Variants in ADAMTS15 observed in about 807,000 individuals in gnomAD.
The protein encoded by ADAMTS15 is ADAM metallopeptidase with thrombospondin type 1 motif 15.
In ADAMTS15, 35 loss-of-function variants were observed where a neutral mutation model predicts 79.1. The observed-to-expected ratio is 0.44, with a 90% CI of 0.34 to 0.59. The LOEUF (loss-of-function observed/expected upper bound fraction) is 0.59, where lower values mean the gene tolerates loss of function less well. Among genes scored for constraint, ADAMTS15 ranks in the 20% least tolerant of loss-of-function variants. The pLI is 0.02. For missense variants in ADAMTS15, 1,324 were observed against 1,318.7 expected (o/e 1.00, Z -0.06); for synonymous variants, 616 against 567.3 (o/e 1.09, Z -1.22).
Position 130,473,641 on chromosome 11 carries a change from G to A in ADAMTS15, c.2673G>A (p.Gly891=). 5.6e-6 allele frequency: 9 copies of A among 1,608,152 alleles called. No individual in the cohort carries two copies. The highest frequency in any genetic ancestry group is 7.6e-6 in the Non-Finnish European group (9 of 1,179,866). The part of the protein sequence containing the change: ...AHRPVETQAC[G]EPCPTWELSA... ...GGCCCGTGGAGACACAAGCCTGCGG[G>A]GAGCCCTGCCCCACCTGGGAGCTCA... Residue 891 remains glycine, a synonymous_variant, in exon 8 of 8, where the codon GGG becomes GGA. Coordinates refer to ENST00000299164, the MANE Select transcript of ADAMTS15 (RefSeq NM_139055.4).
intron 5 of ADAMTS15, among the ~76,000 whole-genome samples, chr11:130,470,182 G>GTGTATATATATATATATATATA (rs1938414045): frequency 2.7e-5 from 2 of 72,742 alleles, no homozygotes; most frequent in Non-Finnish European, 2.3e-5. Context: ...ATATATATAT[G>GTGTATATATATATATATATATA]TGTGTATATA....
chr11:130,473,174 C>G lies in ADAMTS15; in HGVS notation c.2206C>G (p.Leu736Val). 1.2e-6 allele frequency: 2 copies of G among 1,614,114 alleles called. No homozygotes were observed. The highest frequency in any genetic ancestry group is 8.5e-7 in the Non-Finnish European group (1 of 1,180,042). ...TCTGAAGAACAGCCAAGGCAAGTACCTGCTCAACGGGCATTTCGTGGTGTC... is the reference window on the plus strand; with the variant it reads ...TCTGAAGAACAGCCAAGGCAAGTACGTGCTCAACGGGCATTTCGTGGTGTC... ...LALKNSQGKY[L>V]LNGHFVVSAV... The change falls in exon 8 of 8, where the codon CTG becomes GTG. Residue 736 changes from leucine to valine, a missense_variant. Coordinates refer to ENST00000299164, the MANE Select transcript of ADAMTS15 (RefSeq NM_139055.4).
rs1938553229 is a variant in ADAMTS15 at position 130,475,141 on chromosome 11, C to A, written c.*1320C>A. The A allele has an allele frequency of 6.6e-6, 1 of 152,368 alleles. No homozygotes were observed. The highest frequency in any genetic ancestry group is 1.5e-5 in the Non-Finnish European group (1 of 68,168). 9.4% of individuals were successfully genotyped at this position (152,368 alleles called of 1,614,324 possible). A position where few individuals can be genotyped will look rare whatever the true frequency, so the allele number is the denominator to read the frequency against. ...GAAATGAGGGTGTGGTGCGTGGCTTCCTGCTCCCCACAGCCCAGCCCCCTG... is the reference window on the plus strand; with the variant it reads ...GAAATGAGGGTGTGGTGCGTGGCTTACTGCTCCCCACAGCCCAGCCCCCTG... On this transcript the variant is annotated 3_prime_UTR_variant, in exon 8 of 8. Coordinates refer to ENST00000299164, the MANE Select transcript of ADAMTS15 (RefSeq NM_139055.4).
intron 5 of ADAMTS15, among the ~76,000 whole-genome samples, chr11:130,470,182 G>A (rs2875240): frequency 0.064 from 4,612 of 71,658 alleles, 380 homozygotes; most frequent in African/African-American, 0.13. Flanking sequence ...ATATATATAT[G>A]TGTGTATATA....
rs1378506039 is a variant in ADAMTS15, at chr11:130,472,770, T to C, written c.2079-277T>C. On this transcript the variant is annotated intron_variant, in intron 7 of 7. Coordinates refer to ENST00000299164, the MANE Select transcript of ADAMTS15 (RefSeq NM_139055.4). The surrounding 1 kb of genome is among the most constrained non-coding windows in gnomAD (Gnocchi z 4.7). ...GCCAGGCACCACGCTACATGCTTTC[T>C]GTGCTTTGGTGGACTCAGTCCTCCC... is the stretch of plus-strand genomic sequence containing the variant. 6.6e-6 allele frequency among the ~76,000 whole-genome samples: 1 copy of C among 151,666 alleles called. No individual in the cohort carries two copies. The highest frequency in any genetic ancestry group is 6.6e-5 in the Admixed American group (1 of 15,246).
intron 5 of ADAMTS15, 30 bp from the exon 6 acceptor site, chr11:130,470,890 A>C (rs1217719585): frequency 6.2e-7 from 1 of 1,601,306 alleles, no homozygotes; most frequent in South Asian, 1.1e-5. Flanking sequence ...CCTTCCCCTC[A>C]ACTTCTTTCT....
chr11:130,470,158 A>ATATATATACATATATATATATATGTG (rs1938403785), intron 5 of ADAMTS15, among the ~76,000 whole-genome samples: 1 of 50,038 alleles, frequency 2.0e-5, no homozygotes, highest in Non-Finnish European at 3.8e-5. Context: ...ATATGTGTAT[A>ATATATATACATATATATATATATGTG]TATATATATA....
In ADAMTS15 at chr11:130,465,864, CT is replaced by C. The variant is rs1336032041; in HGVS notation, c.1542+3088del. ...GTACTCTCATTTTCTTTTTTCTTTT[CT>C]TTTCTTTCTTTTTTTTTTTTTTTAA... On this transcript the variant is annotated intron_variant, in intron 4 of 7. Coordinates refer to ENST00000299164, the MANE Select transcript of ADAMTS15 (RefSeq NM_139055.4). Among the ~76,000 whole-genome samples, 16 of 135,842 alleles carry C rather than the reference CT, an allele frequency of 1.2e-4. 2 individuals carry two copies. Among genetic ancestry groups the C allele is most frequent in the African/African-American group, 4.2e-4 (15 of 35,404 alleles). 89.1% of individuals were successfully genotyped at this position (135,842 alleles called of 152,430 possible).
At chr11:130,470,209 T>C (rs868804770) in intron 5 of ADAMTS15, among the ~76,000 whole-genome samples, 672 of 60,008 alleles carry the variant, frequency 0.011, 81 homozygotes, top group African/African-American at 0.06. Flanking sequence ...TATATATATA[T>C]GTATATATAT....
In ADAMTS15 at chr11:130,473,943, G is replaced by A. The variant is rs552494370; in HGVS notation, c.*122G>A. 1 of 1,345,906 alleles carries A rather than the reference G, an allele frequency of 7.4e-7. No individual in the cohort carries two copies. The highest frequency in any genetic ancestry group is 1.5e-5 in the South Asian group (1 of 67,352). The allele number at this position is 1,345,906 out of a possible 1,614,324, so 83.4% of individuals were successfully genotyped here. A position where few individuals can be genotyped will look rare whatever the true frequency, so the allele number is the denominator to read the frequency against. On this transcript the variant is annotated 3_prime_UTR_variant, in exon 8 of 8. Coordinates refer to ENST00000299164, the MANE Select transcript of ADAMTS15 (RefSeq NM_139055.4). ...CACGCCACGATGTCACCCACATCCG[G>A]GGACAAGGACCATGGGCTGGGGCGA...
chr11:130,473,411 C>G lies in ADAMTS15; in HGVS notation c.2443C>G (p.Pro815Ala). 1 of 1,612,804 alleles carries G rather than the reference C, an allele frequency of 6.2e-7. No homozygotes were observed. Among genetic ancestry groups the G allele is most frequent in the Non-Finnish European group, 8.5e-7 (1 of 1,180,000 alleles). The change falls in exon 8 of 8, where the codon CCC (proline) becomes GCC (alanine). Residue 815 changes from proline to alanine, a missense_variant. Coordinates refer to ENST00000299164, the MANE Select transcript of ADAMTS15 (RefSeq NM_139055.4). Reference protein sequence around the residue: ...REDKSSHPKDPRGPSVLHNSV... With the variant: ...REDKSSHPKDARGPSVLHNSV... ...GGACAAGTCCTCTCATCCCAAGGAC[C>G]CCCGGGGACCCTCTGTCTTGCACAA...
rs558950716 is a variant in ADAMTS15, at chr11:130,472,680, C to CCCT, written c.2079-341_2079-339dup. Among the ~76,000 whole-genome samples, 292 of 144,440 alleles carry CCCT rather than the reference C, an allele frequency of 2.0e-3. 3 individuals are homozygous for CCCT. Among genetic ancestry groups the CCCT allele is most frequent in the African/African-American group, 4.9e-3 (182 of 36,794 alleles). 94.8% of individuals were successfully genotyped at this position (144,440 alleles called of 152,430 possible). A position where few individuals can be genotyped will look rare whatever the true frequency, so the allele number is the denominator to read the frequency against. On this transcript the variant is annotated intron_variant, in intron 7 of 7. Transcript: ENST00000299164. This position sits in a 1 kb window ranked among gnomAD's most constrained non-coding sequence, Gnocchi z 4.7. ...GGTGGACTTACTCCTCCCGCCCCAC[C>CCCT]CCTCCTCCTCCTCCTCCTCCTCCTC...
Position 130,449,631 on chromosome 11 carries a change from G to T in ADAMTS15, c.658G>T (p.Val220Leu). ...GCGTTTCGTGTCTATCCCGCGGTAC[G>T]TGGAGACGCTGGTGGTCGCGGACGA... is the stretch of plus-strand genomic sequence containing the variant. Reference protein sequence around the residue: ...AKRFVSIPRYVETLVVADESM... With the variant: ...AKRFVSIPRYLETLVVADESM... Residue 220 changes from valine to leucine, a missense_variant, in exon 1 of 8, where the codon GTG (valine) becomes TTG (leucine). By Grantham distance (32) the Val-to-Leu change is conservative (BLOSUM62 1). Coordinates refer to ENST00000299164, the MANE Select transcript of ADAMTS15 (RefSeq NM_139055.4). The surrounding 1 kb of genome is among the most constrained non-coding windows in gnomAD (Gnocchi z 7.8). 6.2e-7 allele frequency: 1 copy of T among 1,603,776 alleles called. No individual in the cohort carries two copies. Among genetic ancestry groups the T allele is most frequent in the East Asian group, 2.3e-5 (1 of 44,394 alleles).
chr11:130,451,000 A>G (rs1937950830), intron 1 of ADAMTS15, among the ~76,000 whole-genome samples: 1 of 152,226 alleles, frequency 6.6e-6, no homozygotes, highest in Non-Finnish European at 1.5e-5. Flanking sequence ...TTCTATGTCA[A>G]AGAAGCTACA....
In ADAMTS15 at chr11:130,449,895, G is replaced by C; in HGVS notation, c.922G>C (p.Glu308Gln). ...GAACAAAGTGAGTGACAAGCACCCC[G>C]AGTACTGGGACACTGCCATCCTCTT... Reference protein sequence around the residue: ...KLNKVSDKHPEYWDTAILFTR... With the variant: ...KLNKVSDKHPQYWDTAILFTR... The change falls in exon 1 of 8, where the codon GAG becomes CAG. Residue 308 changes from glutamate to glutamine, a missense_variant. Glu to Gln is a conservative substitution (Grantham distance 29, BLOSUM62 2). Coordinates refer to ENST00000299164, the MANE Select transcript of ADAMTS15 (RefSeq NM_139055.4). The surrounding 1 kb of genome is among the most constrained non-coding windows in gnomAD (Gnocchi z 7.8). 3.1e-6 allele frequency: 5 copies of C among 1,600,818 alleles called. No individual in the cohort carries two copies. The highest frequency in any genetic ancestry group is 4.2e-6 in the Non-Finnish European group (5 of 1,179,950).
rs1274116514 is a variant in ADAMTS15, at chr11:130,462,468, T to G, written c.1259-29T>G. ...AGCCAAACCTCATCTTCCCAGCTCA[T>G]CCTAACGAACGCCCTCGGCTCTCTG... On this transcript the variant is annotated intron_variant, in intron 3 of 7. Transcript: ENST00000299164. This position sits in a 1 kb window ranked among gnomAD's most constrained non-coding sequence, Gnocchi z 4.3. 3 of 1,557,814 alleles carry G rather than the reference T, an allele frequency of 1.9e-6. No homozygotes were observed. The highest frequency in any genetic ancestry group is 2.6e-6 in the Non-Finnish European group (3 of 1,147,206).
intron 1 of ADAMTS15, chr11:130,450,320 T>C (rs1937938384): frequency 1.0e-6 from 1 of 985,322 alleles, no homozygotes; most frequent in Non-Finnish European, 1.2e-6. Flanking sequence ...CCCTATTGTA[T>C]GGGCGGCTGA....
In ADAMTS15 at chr11:130,473,712, G is replaced by A. The variant is rs759761835; in HGVS notation, c.2744G>A (p.Arg915Lys). The A allele has an allele frequency of 6.2e-7, 1 of 1,600,594 alleles. No homozygotes were observed. Among genetic ancestry groups the A allele is most frequent in the Non-Finnish European group, 8.5e-7 (1 of 1,179,896 alleles). Reference sequence around the variant, plus strand: ...AAGAGCTGCGGCCGGGGATTTCAGAGGCGCTCACTCAAGTGTGTGGGCCAC... The same window carrying A: ...AAGAGCTGCGGCCGGGGATTTCAGAAGCGCTCACTCAAGTGTGTGGGCCAC... ...CSKSCGRGFQ[R>K]RSLKCVGHGG... is the part of the protein sequence containing the mutation. Residue 915 changes from arginine (R) to lysine (K), a missense_variant, in exon 8 of 8, where the codon AGG (arginine) becomes AAG (lysine). Arg to Lys is a conservative substitution (Grantham distance 26, BLOSUM62 2). Transcript: ENST00000299164.
intron 1 of ADAMTS15, among the ~76,000 whole-genome samples, chr11:130,454,846 C>T (rs563449570): frequency 8.5e-4 from 129 of 152,208 alleles, no homozygotes; most frequent in African/African-American, 2.9e-3. Context: ...TATTTTTAAC[C>T]GCTGGTCTAG....
Sources: gnomAD v4.1 joint callset for allele counts (sites outside exome capture counted in the v4.1 genomes callset) on GRCh38, gnomAD v4.1.1 for gene constraint, Gnocchi (gnomAD v3.1) non-coding constraint, MANE v1.5 for transcripts, NCBI Gene and HGNC (gene_info 2026-07-23, HGNC 2026-07-21) for gene names.